Variants in CDK14 observed in about 807,000 individuals in gnomAD.
The protein encoded by CDK14 is cyclin-dependent kinase 14.
CDK14 carries 34 observed loss-of-function variants against 60.7 expected under a neutral mutation model. The ratio of observed to expected loss-of-function variants is 0.56; its 90% confidence interval spans 0.43 to 0.75. The LOEUF is 0.75. Ranked by LOEUF, CDK14 falls within the 30% of genes least tolerant of loss-of-function variation. The pLI is 0.00. For synonymous variants in CDK14, 197 were observed against 203.7 expected (o/e 0.97, Z 0.28); for missense variants, 482 against 564.1 (o/e 0.85, Z 1.47).
chr7:90,599,432 C>T (rs1007666893), intron 1 of CDK14, among the ~76,000 whole-genome samples: 4 of 152,118 alleles, frequency 2.6e-5, no homozygotes, highest in Non-Finnish European at 5.9e-5. Context: ...TTGCTCTGTG[C>T]CAGTGGAATT....
intron 2 of CDK14, among the ~76,000 whole-genome samples, chr7:90,606,770 G>A (rs941557042): frequency 5.3e-5 from 8 of 152,182 alleles, no homozygotes; most frequent in Admixed American, 3.9e-4. Flanking sequence ...TTGAATGTGA[G>A]TAAATATCTA....
chr7:90,887,952 T>A (rs898392284), intron 6 of CDK14, among the ~76,000 whole-genome samples: 1 of 152,204 alleles, frequency 6.6e-6, no homozygotes, highest in African/African-American at 2.4e-5. Context: ...TATAAGAGTT[T>A]GAAAATTATG....
At chr7:91,065,336 G>A (rs1249025457) in intron 11 of CDK14, among the ~76,000 whole-genome samples, 3 of 152,156 alleles carry the variant, frequency 2.0e-5, no homozygotes, top group African/African-American at 7.2e-5. Flanking sequence ...TCAAATCTGA[G>A]CCATTAAATA....
intron 2 of CDK14, among the ~76,000 whole-genome samples, chr7:90,630,412 G>T (rs78326107): frequency 6.6e-6 from 1 of 152,122 alleles, no homozygotes; most frequent in African/African-American, 2.4e-5. Context: ...CATAGGAAAG[G>T]TATAGTTAAA....
intron 4 of CDK14, among the ~76,000 whole-genome samples, chr7:90,781,302 G>A (rs1406984601): frequency 3.3e-5 from 5 of 152,158 alleles, no homozygotes; most frequent in Admixed American, 2.6e-4. Flanking sequence ...GTTCATTGTA[G>A]ATTCTGGATA....
intron 8 of CDK14, among the ~76,000 whole-genome samples, chr7:90,928,807 T>C (rs1439029152): frequency 6.6e-6 from 1 of 152,228 alleles, no homozygotes; most frequent in African/African-American, 2.4e-5. Flanking sequence ...TTCACCTATG[T>C]GCTGCCCCCA....
chr7:90,791,149 T>C (rs1488798646), intron 5 of CDK14, among the ~76,000 whole-genome samples: 2 of 152,174 alleles, frequency 1.3e-5, no homozygotes, highest in African/African-American at 4.8e-5. Flanking sequence ...TCATTTATGT[T>C]GTGATATTTT....
rs149919531 is a variant in CDK14 at position 90,841,744 on chromosome 7, G to T, written c.545-21431G>T. On this transcript the variant is annotated intron_variant, in intron 5 of 14. Transcript: ENST00000380050. ...AGGAGCTGGGAAGATTCTAGTGACT[G>T]TGGTTACTTGAGGGTACTTCTTATA... Among the ~76,000 whole-genome samples the T allele has an allele frequency of 6.7e-3, 1,009 of 151,316 alleles. 3 individuals are homozygous for T. The highest frequency in any genetic ancestry group is 0.011 in the Non-Finnish European group (774 of 67,872).
intron 10 of CDK14, among the ~76,000 whole-genome samples, chr7:91,004,714 G>C (rs1795932355): frequency 6.6e-6 from 1 of 152,088 alleles, no homozygotes; most frequent in African/African-American, 2.4e-5. Flanking sequence ...AATTAATATT[G>C]AAATTAATGA....
intron 2 of CDK14, among the ~76,000 whole-genome samples, chr7:90,616,616 C>T (rs1799655406): frequency 6.6e-6 from 1 of 152,006 alleles, no homozygotes; most frequent in Non-Finnish European, 1.5e-5. Context: ...AAGAGGTTTG[C>T]ATTACTTTAT....
At chr7:91,127,525 G>A (rs965010955) in intron 14 of CDK14, among the ~76,000 whole-genome samples, 1 of 152,114 alleles carries the variant, frequency 6.6e-6, no homozygotes, top group African/African-American at 2.4e-5. Flanking sequence ...TATCAAACCA[G>A]GGTTCCGGAT....
At chr7:90,701,434 TAATA>T (rs1223752239) in intron 2 of CDK14, among the ~76,000 whole-genome samples, 6 of 152,194 alleles carry the variant, frequency 3.9e-5, no homozygotes, top group Admixed American at 1.3e-4. Flanking sequence ...GTTAATATAA[TAATA>T]CTCAATTTAG....
chr7:91,061,167 T>C (rs1358274393), intron 11 of CDK14, among the ~76,000 whole-genome samples: 8 of 152,242 alleles, frequency 5.3e-5, no homozygotes, highest in Admixed American at 5.2e-4. Flanking sequence ...CAGTCACTGA[T>C]ACCCTTTCTT....
At chr7:90,892,765 G>A (rs1029924816) in intron 6 of CDK14, among the ~76,000 whole-genome samples, 3 of 152,034 alleles carry the variant, frequency 2.0e-5, no homozygotes, top group African/African-American at 4.8e-5. Flanking sequence ...CAGGAAAAGA[G>A]GATACTGGGT....
intron 8 of CDK14, among the ~76,000 whole-genome samples, chr7:90,954,586 A>G (rs1794352688): frequency 6.6e-6 from 1 of 151,758 alleles, no homozygotes; most frequent in Non-Finnish European, 1.5e-5. Context: ...ACCACTGAAG[A>G]CATTTAAATG....
In CDK14 at chr7:90,874,503, C is replaced by CTTTTTTTTTTTT. The variant is rs747439482; in HGVS notation, c.639+11259_639+11270dup. ...ATCTGGAATCTCATGTCCTTTCATC[C>CTTTTTTTTTTTT]TTTTTTTTTTTTTTTTTTTTTTTTT... On this transcript the variant is annotated intron_variant, in intron 6 of 14. Transcript: ENST00000380050. Among the ~76,000 whole-genome samples the CTTTTTTTTTTTT allele has an allele frequency of 2.3e-4, 11 of 48,010 alleles. 4 individuals carry two copies. Among genetic ancestry groups the CTTTTTTTTTTTT allele is most frequent in the East Asian group, 2.4e-3 (2 of 834 alleles). The allele number at this position is 48,010 out of a possible 152,430, so 31.5% of individuals were successfully genotyped here.
chr7:90,722,174 T>A (rs1460905668), intron 2 of CDK14, among the ~76,000 whole-genome samples: 2 of 147,628 alleles, frequency 1.4e-5, no homozygotes, highest in Admixed American at 6.8e-5. Context: ...TCTCTTTCCC[T>A]TCCCCCACCC....
At chr7:90,944,977 GAA>G (rs1486060387) in intron 8 of CDK14, among the ~76,000 whole-genome samples, 1 of 152,152 alleles carries the variant, frequency 6.6e-6, no homozygotes, top group Non-Finnish European at 1.5e-5. Flanking sequence ...GTCATCTGCT[GAA>G]TAAGTATTAA....
intron 14 of CDK14, among the ~76,000 whole-genome samples, chr7:91,204,687 G>A (rs149778638): frequency 2.0e-5 from 3 of 152,222 alleles, no homozygotes; most frequent in Admixed American, 1.3e-4. Context: ...GGTGGCTCAT[G>A]CCTGTAATCC....
Sources: gnomAD v4.1 joint callset for allele counts (sites outside exome capture counted in the v4.1 genomes callset) on GRCh38, gnomAD v4.1.1 for gene constraint, MANE v1.5 for transcripts, NCBI Gene and HGNC (gene_info 2026-07-23, HGNC 2026-07-21) for gene names.